RBFOX1: variants seen among roughly 807,000 people sequenced by gnomAD.
RBFOX1 encodes RNA binding fox-1 homolog 1, also known as RNA binding protein fox-1 homolog 1.
In RBFOX1, 8 loss-of-function variants were observed where a neutral mutation model predicts 57.7. The observed-to-expected ratio is 0.14, with a 90% CI of 0.08 to 0.25. The LOEUF is 0.25. Ranked by LOEUF, RBFOX1 falls within the 10% of genes least tolerant of loss-of-function variation. The pLI is 1.00. For missense variants in RBFOX1, 611 were observed against 548.5 expected (o/e 1.11, Z -1.14); for synonymous variants, 326 against 222.4 (o/e 1.47, Z -4.15).
chr16:6,020,113 G>T (rs2095038661), intron 1 of RBFOX1, 121 bp downstream of exon 1: 2 of 1,182,208 alleles, frequency 1.7e-6, no homozygotes, highest in East Asian at 3.0e-5. Context: ...CGCCAGTCTG[G>T]GCGCTCTGGA....
intron 4 of RBFOX1, among the ~76,000 whole-genome samples, chr16:7,110,503 A>G (rs1023892571): frequency 1.3e-5 from 2 of 152,204 alleles, no homozygotes; most frequent in Non-Finnish European, 2.9e-5. Context: ...GAGCCTGAGC[A>G]CAGTAGTTGC....
At chr16:6,182,102 G>A (rs773114223) in intron 1 of RBFOX1, among the ~76,000 whole-genome samples, 19 of 152,116 alleles carry the variant, frequency 1.2e-4, no homozygotes, top group African/African-American at 1.9e-4. Flanking sequence ...GCAAACATTT[G>A]GTGAATATAG....
chr16:5,399,452 C>T (rs180800344), intron 1 of RBFOX1, among the ~76,000 whole-genome samples: 16 of 152,266 alleles, frequency 1.1e-4, no homozygotes, highest in African/African-American at 3.9e-4. Flanking sequence ...GTAAGAATTG[C>T]TCTTAATCAC....
intron 4 of RBFOX1, among the ~76,000 whole-genome samples, chr16:7,223,835 TTG>T (rs200693904): frequency 5.0e-5 from 7 of 139,266 alleles, no homozygotes; most frequent in African/African-American, 1.9e-4. Flanking sequence ...CATTTTTTTT[TTG>T]GTAGAAATAG....
intron 14 of RBFOX1, among the ~76,000 whole-genome samples, chr16:7,704,728 G>C (rs561333253): frequency 6.6e-6 from 1 of 152,304 alleles, no homozygotes; most frequent in South Asian, 2.1e-4. Flanking sequence ...TGAAGGGGTA[G>C]GGATGAAGTT....
chr16:5,718,166 C>T (rs534626280), intron 3 of RBFOX1, among the ~76,000 whole-genome samples: 2 of 152,228 alleles, frequency 1.3e-5, no homozygotes, highest in African/African-American at 4.8e-5. Flanking sequence ...TCATGATCCT[C>T]TTGAATAGCT....
chr16:5,841,147 A>G (rs1007184974), intron 3 of RBFOX1, among the ~76,000 whole-genome samples: 1 of 152,198 alleles, frequency 6.6e-6, no homozygotes, highest in Non-Finnish European at 1.5e-5. Context: ...CATTTTACAT[A>G]GATTATTGCA....
chr16:6,717,146 T>C (rs28450307), intron 3 of RBFOX1, among the ~76,000 whole-genome samples: 3,640 of 152,194 alleles, frequency 0.024, 77 homozygotes, highest in South Asian at 0.051. Flanking sequence ...GAGAAATAAA[T>C]GTGTGTTTAA....
intron 2 of RBFOX1, among the ~76,000 whole-genome samples, chr16:5,499,493 GGCTACATCACTTAA>G (rs1315961994): frequency 6.6e-6 from 1 of 152,140 alleles, no homozygotes; most frequent in Non-Finnish European, 1.5e-5. Flanking sequence ...GGCTTAGAGA[GGCTACATCACTTAA>G]CCAAATCCAC....
intron 4 of RBFOX1, among the ~76,000 whole-genome samples, chr16:5,937,639 T>C (rs573259695): frequency 8.0e-5 from 12 of 150,320 alleles, no homozygotes; most frequent in African/African-American, 2.9e-4. Context: ...TAATACAGTT[T>C]TATATATATA....
chr16:5,933,879 T>C (rs2059118342), intron 4 of RBFOX1, among the ~76,000 whole-genome samples: 1 of 152,086 alleles, frequency 6.6e-6, no homozygotes, highest in Non-Finnish European at 1.5e-5. Flanking sequence ...GTTGTACAGA[T>C]TATTTCATCA....
chr16:7,289,756 T>G (rs567621502), intron 4 of RBFOX1, among the ~76,000 whole-genome samples: 1 of 152,290 alleles, frequency 6.6e-6, no homozygotes, highest in African/African-American at 2.4e-5. Context: ...AGTGTATTAG[T>G]CCATGCTATC....
chr16:5,948,083 G>A (rs934417494), intron 4 of RBFOX1, among the ~76,000 whole-genome samples: 1 of 152,176 alleles, frequency 6.6e-6, no homozygotes, highest in Non-Finnish European at 1.5e-5. Flanking sequence ...GGGCATGTGG[G>A]CATGGTGAGT....
intron 1 of RBFOX1, among the ~76,000 whole-genome samples, chr16:5,294,316 T>C (rs1310251512): frequency 6.6e-6 from 1 of 152,180 alleles, no homozygotes; most frequent in Non-Finnish European, 1.5e-5. Context: ...GTAATTGATC[T>C]GGGTTGCAGA....
At chr16:7,519,925 G>T (rs1333807304) in intron 5 of RBFOX1, among the ~76,000 whole-genome samples, 1 of 152,252 alleles carries the variant, frequency 6.6e-6, no homozygotes, top group Non-Finnish European at 1.5e-5. Context: ...TCACTCTGTT[G>T]CCCAGGCTGG....
intron 4 of RBFOX1, among the ~76,000 whole-genome samples, chr16:5,949,095 C>G (rs1328808817): frequency 6.6e-6 from 1 of 152,096 alleles, no homozygotes; most frequent in African/African-American, 2.4e-5. Context: ...GACATGTCCT[C>G]CCCAACTACT....
At chr16:7,518,762 C>T (rs911334718) in intron 5 of RBFOX1, among the ~76,000 whole-genome samples, 1 of 152,074 alleles carries the variant, frequency 6.6e-6, no homozygotes, top group Admixed American at 6.5e-5. Flanking sequence ...GTGGCTCATG[C>T]CTGTGATCCC....
chr16:7,469,556 A>C (rs2061176314), intron 4 of RBFOX1, among the ~76,000 whole-genome samples: 1 of 152,162 alleles, frequency 6.6e-6, no homozygotes, highest in Admixed American at 6.5e-5. Context: ...TGCATATTTT[A>C]TTTTGAAATA....
At chr16:6,106,548 C>T (rs573332149) in intron 1 of RBFOX1, among the ~76,000 whole-genome samples, 2 of 151,800 alleles carry the variant, frequency 1.3e-5, no homozygotes, top group African/African-American at 4.8e-5. Context: ...ATGGGTTGAC[C>T]TTCAATGAGA....
Sources: allele counts gnomAD v4.1 joint callset (sites outside exome capture counted in the v4.1 genomes callset), GRCh38; gene constraint gnomAD v4.1.1; transcripts MANE v1.5; gene names NCBI Gene and HGNC (gene_info 2026-07-23, HGNC 2026-07-21).